Variants in SLC22A13 observed in about 807,000 individuals in gnomAD.
SLC22A13 encodes the protein solute carrier family 22 member 13.
A neutral mutation model predicts 49.1 loss-of-function variants in SLC22A13; 42 were observed. That is an observed-to-expected ratio of 0.85 (90% CI 0.67 to 1.11). The LOEUF (loss-of-function observed/expected upper bound fraction) is 1.11, where lower values mean the gene tolerates loss of function less well. Among genes scored for constraint, SLC22A13 ranks in the 50% least tolerant of loss-of-function variants. The pLI is 0.00. For missense variants in SLC22A13, 694 were observed against 712.8 expected (o/e 0.97, Z 0.30); for synonymous variants, 282 against 293.1 (o/e 0.96, Z 0.39).
intron 1 of SLC22A13, among the ~76,000 whole-genome samples, chr3:38,267,139 A>G (rs1231664567): frequency 6.6e-6 from 1 of 152,196 alleles, no homozygotes; most frequent in Non-Finnish European, 1.5e-5. Context: ...GGGATTAAAC[A>G]TTCACTTCTT....
At chr3:38,276,529 G>T in intron 8 of SLC22A13, 134 bp downstream of exon 8, 3 of 658,456 alleles carry the variant, frequency 4.6e-6, no homozygotes, top group Non-Finnish European at 5.2e-6. Context: ...CAGGGTCCAG[G>T]ACAACTAGAA....
chr3:38,271,566 A>T (rs546239187), intron 1 of SLC22A13, among the ~76,000 whole-genome samples: 76 of 151,606 alleles, frequency 5.0e-4, no homozygotes, highest in African/African-American at 1.7e-3. Context: ...AAAAAAAAAA[A>T]AAATGACTCC....
At chr3:38,266,287 G>GT in intron 1 of SLC22A13, 49 bp downstream of exon 1, 1 of 1,586,474 alleles carries the variant, frequency 6.3e-7, no homozygotes, top group African/African-American at 1.3e-5. Context: ...GGTCTGTCAG[G>GT]TCTTGTGCCT....
At position 38,265,939 on chromosome 3, in the gene SLC22A13, G is replaced by A. The variant is rs143498910; in HGVS notation, c.79G>A (p.Val27Ile). Residue 27 changes from valine (V) to isoleucine (I), a missense_variant, in exon 1 of 10, where the codon GTT (valine) becomes ATT (isoleucine). Transcript: ENST00000311856. ...GATACAGCTATTGATCCTGCTGTGT[G>A]TTCTCAACTTCCTGTCTCCCTTCTA... ...FQIQLLILLC[V>I]LNFLSPFYFF... 5 of 1,614,046 alleles carry A rather than the reference G, an allele frequency of 3.1e-6. No individual in the cohort carries two copies. The African/African-American group carries it at 6.7e-5, about 22-fold the overall frequency.
chr3:38,278,232 T>C lies in SLC22A13; in HGVS notation c.*767T>C, dbSNP rs1019251617. The stretch of plus-strand genomic sequence containing the variant: ...CTGCTTCTGGACCTTCCAGGGCCCA[T>C]GCAGGGTGAGGGAAAGGGTAGAGGT... On this transcript the variant is annotated 3_prime_UTR_variant, in exon 10 of 10. Transcript: ENST00000311856. 6.6e-6 allele frequency: 1 copy of C among 152,330 alleles called. No individual in the cohort carries two copies. The highest frequency in any genetic ancestry group is 2.4e-5 in the African/African-American group (1 of 41,472). 9.4% of individuals were successfully genotyped at this position (152,330 alleles called of 1,614,324 possible).
chr3:38,267,873 G>A (rs1400419916), intron 1 of SLC22A13, among the ~76,000 whole-genome samples: 2 of 152,102 alleles, frequency 1.3e-5, no homozygotes, highest in Non-Finnish European at 2.9e-5. Context: ...CTCTGCAGGT[G>A]GAGAATAAGA....
chr3:38,275,471 C>A lies in SLC22A13; in HGVS notation c.908C>A (p.Ser303Tyr), dbSNP rs368055995. ...KAASVNRRKL[S>Y]PELMNQLVPE... ...GCCTCGGTCAATAGGCGGAAACTCT[C>A]CCCGGAGCTCATGAACCAGGTACTT... Residue 303 changes from serine to tyrosine, a missense_variant, in exon 5 of 10, where the codon TCC (serine) becomes TAC (tyrosine). Physicochemically the swap from Ser to Tyr is moderately radical, Grantham distance 144. Transcript: ENST00000311856. The A allele has an allele frequency of 6.2e-7, 1 of 1,614,180 alleles. No homozygotes were observed. Among genetic ancestry groups the A allele is most frequent in the Non-Finnish European group, 8.5e-7 (1 of 1,180,028 alleles).
Position 38,277,429 on chromosome 3 carries a change from C to T in SLC22A13, c.1620C>T (p.Ser540=). 6.2e-7 allele frequency: 1 copy of T among 1,614,152 alleles called. No homozygotes were observed. Among genetic ancestry groups the T allele is most frequent in the East Asian group, 2.2e-5 (1 of 44,886 alleles). Residue 540 remains serine (S), a synonymous_variant, in exon 10 of 10, where the codon AGC becomes AGT. Transcript: ENST00000311856. ...CAGAGGCCAAGGGAAGAACTTCCAG[C>T]CCGGGAGTGGCCTTTGTGAGCAGCA... ...KETEAKGRTS[S]PGVAFVSSTY...
intron 5 of SLC22A13, 43 bp from the exon 6 acceptor site, chr3:38,275,535 C>G (rs776854823): frequency 1.2e-6 from 2 of 1,613,958 alleles, no homozygotes; most frequent in South Asian, 2.2e-5. Context: ...CAGACCCACA[C>G]GGATCTTCCT....
intron 8 of SLC22A13, 100 bp downstream of exon 8, chr3:38,276,495 T>C: frequency 1.2e-6 from 1 of 848,298 alleles, no homozygotes; most frequent in Non-Finnish European, 1.9e-6. Context: ...CTGACAGGGC[T>C]GGCTCTGGGG....
intron 1 of SLC22A13, among the ~76,000 whole-genome samples, chr3:38,266,577 T>C (rs1187444449): frequency 3.3e-5 from 5 of 152,168 alleles, no homozygotes; most frequent in East Asian, 1.9e-4. Flanking sequence ...CCCAGTGTGC[T>C]CATCTGTCTG....
At position 38,277,542 on chromosome 3, in the gene SLC22A13, G is replaced by A. The variant is rs915283722; in HGVS notation, c.*77G>A. On this transcript the variant is annotated 3_prime_UTR_variant, in exon 10 of 10. Coordinates refer to ENST00000311856, the MANE Select transcript of SLC22A13 (RefSeq NM_004256.4). ...TCCTTGGATATGGCCAGGACCCACAGGGACACAGGGCAAGACCAGCCTTGC... is the reference window on the plus strand; with the variant it reads ...TCCTTGGATATGGCCAGGACCCACAAGGACACAGGGCAAGACCAGCCTTGC... 4.6e-6 allele frequency: 5 copies of A among 1,093,262 alleles called. No homozygotes were observed. The African/African-American group carries it at 7.8e-5, about 17-fold the overall frequency. 67.7% of individuals were successfully genotyped at this position (1,093,262 alleles called of 1,614,324 possible). A position where few individuals can be genotyped will look rare whatever the true frequency, so the allele number is the denominator to read the frequency against.
intron 1 of SLC22A13, among the ~76,000 whole-genome samples, chr3:38,273,351 T>C (rs901001571): frequency 6.6e-6 from 1 of 152,144 alleles, no homozygotes; most frequent in African/African-American, 2.4e-5. Context: ...GTCTCTCTCT[T>C]TCTCTGTCAC....
chr3:38,275,943 G>GAAGC lies in SLC22A13; in HGVS notation c.1084_1085insAAGC (p.Val362GlufsTer13). On this transcript the variant is annotated frameshift_variant, in exon 7 of 10. Transcript: ENST00000311856. LOFTEE classifies it high-confidence loss of function. The stretch of plus-strand genomic sequence containing the variant: ...CCAAGTGGGGGACTTCGGCCTGGAC[G>GAAGC]TCTATCTGACGCAGCTCATCTTTGG... 6.2e-7 allele frequency: 1 copy of GAAGC among 1,614,248 alleles called. No individual in the cohort carries two copies. The highest frequency in any genetic ancestry group is 8.5e-7 in the Non-Finnish European group (1 of 1,180,050).
intron 1 of SLC22A13, among the ~76,000 whole-genome samples, chr3:38,271,606 G>T (rs1466338529): frequency 6.6e-6 from 1 of 151,356 alleles, no homozygotes; most frequent in Admixed American, 6.6e-5. Context: ...GAATGGGAAG[G>T]TGGGAAGACC....
At chr3:38,272,507 G>A (rs1703532971) in intron 1 of SLC22A13, among the ~76,000 whole-genome samples, 1 of 152,350 alleles carries the variant, frequency 6.6e-6, no homozygotes, top group Admixed American at 6.5e-5. Flanking sequence ...ACTCAATTCT[G>A]ACTCCTGAGC....
chr3:38,270,538 G>C, intron 1 of SLC22A13: 1 of 207,380 alleles, frequency 4.8e-6, no homozygotes, highest in Non-Finnish European at 1.0e-5. Flanking sequence ...AAACTGACTA[G>C]AAATACATCT....
At chr3:38,273,487 G>C (rs1703543683) in intron 1 of SLC22A13, among the ~76,000 whole-genome samples, 1 of 152,136 alleles carries the variant, frequency 6.6e-6, no homozygotes, top group African/African-American at 2.4e-5. Context: ...GATTCTGATT[G>C]CCTGTGAATG....
intron 4 of SLC22A13, 86 bp downstream of exon 4, chr3:38,275,243 C>G: frequency 6.3e-7 from 1 of 1,589,060 alleles, no homozygotes; most frequent in Non-Finnish European, 8.6e-7. Context: ...GTTCATAGGA[C>G]AGTCAGAGGT....
Sources: gnomAD v4.1 joint callset for allele counts (sites outside exome capture counted in the v4.1 genomes callset) on GRCh38, gnomAD v4.1.1 for gene constraint, MANE v1.5 for transcripts, NCBI Gene and HGNC (gene_info 2026-07-23, HGNC 2026-07-21) for gene names.